Variants in LRIG2 observed in about 807,000 individuals in gnomAD.
LRIG2 encodes the protein leucine rich repeats and immunoglobulin like domains 2.
In LRIG2, 93 loss-of-function variants were observed where a neutral mutation model predicts 107.8. The ratio of observed to expected loss-of-function variants is 0.86; its 90% CI spans 0.73 to 1.03. LRIG2 has a LOEUF of 1.03. Among genes scored for constraint, LRIG2 ranks in the 50% least tolerant of loss-of-function variants. The pLI is 0.00. For missense variants in LRIG2, 1,226 were observed against 1,296.0 expected (o/e 0.95, Z 0.83); for synonymous variants, 471 against 470.6 (o/e 1.00, Z -0.01).
At chr1:113,122,075 C>CT (rs758568453) in intron 17 of LRIG2, among the ~76,000 whole-genome samples, 59,231 of 87,380 alleles carry the variant, frequency 0.68, 21,367 homozygotes, top group South Asian at 0.86. Flanking sequence ...TTAGGCTCAC[C>CT]TTTTTTTTTT....
Position 113,118,269 on chromosome 1 carries a change from T to C in LRIG2, c.2681-964T>C, listed in dbSNP as rs190334370. Among the ~76,000 whole-genome samples, 13 of 152,280 alleles carry C rather than the reference T, an allele frequency of 8.5e-5. No individual in the cohort carries two copies. In the East Asian group the frequency reaches 2.5e-3, roughly 29 times the overall value. On this transcript the variant is annotated intron_variant, in intron 16 of 17. Coordinates refer to ENST00000361127, the MANE Select transcript of LRIG2 (RefSeq NM_014813.3). The stretch of plus-strand genomic sequence containing the variant: ...TCACTCTTTATTTCTCACTCTCTCT[T>C]CTCTCCTTCATCATTCAGTTTTCAA...
intron 1 of LRIG2, among the ~76,000 whole-genome samples, chr1:113,079,817 C>T (rs1653175879): frequency 6.8e-6 from 1 of 147,710 alleles, no homozygotes; most frequent in African/African-American, 2.5e-5. Context: ...TCTCGGCTCA[C>T]TGCCACCCGA....
At position 113,110,460 on chromosome 1, in the gene LRIG2, C is replaced by A; in HGVS notation, c.1696C>A (p.His566Asn). 1 of 1,613,578 alleles carries A rather than the reference C, an allele frequency of 6.2e-7. No individual in the cohort carries two copies. The highest frequency in any genetic ancestry group is 2.2e-5 in the East Asian group (1 of 44,882). ...GEALEYTSILHLFNVNFTDEG... is the reference protein window; with the variant it reads ...GEALEYTSILNLFNVNFTDEG... ...AGCTCTGGAATATACTAGTATCTTA[C>A]ATCTTTTCAATGTGAATTTCACAGA... Residue 566 changes from histidine to asparagine, a missense_variant, in exon 13 of 18, where the codon CAT (histidine) becomes AAT (asparagine). Coordinates refer to ENST00000361127, the MANE Select transcript of LRIG2 (RefSeq NM_014813.3).
intron 1 of LRIG2, 75 bp downstream of exon 1, chr1:113,073,720 A>T: frequency 7.3e-7 from 1 of 1,371,268 alleles, no homozygotes; most frequent in South Asian, 1.2e-5. Context: ...CAGGAGGGAG[A>T]CAGGCCTGGT....
At chr1:113,111,066 G>C (rs1207990971) in intron 13 of LRIG2, among the ~76,000 whole-genome samples, 1 of 151,330 alleles carries the variant, frequency 6.6e-6, no homozygotes, top group African/African-American at 2.4e-5. Flanking sequence ...ATGGAGTCTC[G>C]CTCTGTCGCC....
rs567902403 is a variant in LRIG2 at position 113,130,501 on chromosome 1, G to C, written c.*6400G>C. ...ATTATATACTTGCTAATAAATTTTT[G>C]TGTAGGCTCTTTAGTAAATTTATCT... On this transcript the variant is annotated 3_prime_UTR_variant, in exon 18 of 18. Coordinates refer to ENST00000361127, the MANE Select transcript of LRIG2 (RefSeq NM_014813.3). The C allele has an allele frequency of 6.6e-6, 1 of 152,152 alleles. No individual in the cohort carries two copies. Among genetic ancestry groups the C allele is most frequent in the Admixed American group, 6.6e-5 (1 of 15,258 alleles). 9.4% of individuals were successfully genotyped at this position (152,152 alleles called of 1,614,324 possible).
chr1:113,100,104 TATAAAAAAG>T, intron 9 of LRIG2, 98 bp from the exon 10 acceptor site: 1 of 568,842 alleles, frequency 1.8e-6, no homozygotes, highest in East Asian at 2.8e-5. Context: ...CTGTTAAGTA[TATAAAAAAG>T]TACGCTACGC....
rs1487095240 is a variant in LRIG2 at position 113,129,762 on chromosome 1, C to T, written c.*5661C>T. 1 of 152,184 alleles carries T rather than the reference C, an allele frequency of 6.6e-6. No individual in the cohort carries two copies. Among genetic ancestry groups the T allele is most frequent in the Non-Finnish European group, 1.5e-5 (1 of 68,060 alleles). The allele number at this position is 152,184 out of a possible 1,614,324, so 9.4% of individuals were successfully genotyped here. On this transcript the variant is annotated 3_prime_UTR_variant, in exon 18 of 18. Transcript: ENST00000361127. Reference sequence around the variant, plus strand: ...CTTTCAGGAGGAATACATACATTCTCTTGATTTGTTTGTCCCCTTTCAGGC... The same window carrying T: ...CTTTCAGGAGGAATACATACATTCTTTTGATTTGTTTGTCCCCTTTCAGGC...
At chr1:113,086,339 C>T (rs1486889319) in intron 1 of LRIG2, among the ~76,000 whole-genome samples, 1 of 152,066 alleles carries the variant, frequency 6.6e-6, no homozygotes, top group East Asian at 1.9e-4. Flanking sequence ...ATGCTAGGTA[C>T]ACTCTTAACA....
intron 4 of LRIG2, 127 bp downstream of exon 4, chr1:113,093,691 T>C: frequency 2.1e-6 from 1 of 471,250 alleles, no homozygotes; most frequent in South Asian, 2.0e-5. Context: ...AGTTAGTGGG[T>C]GCAGCGCACC....
intron 8 of LRIG2, among the ~76,000 whole-genome samples, chr1:113,097,227 A>T (rs1216807): frequency 0.87 from 131,000 of 151,400 alleles, 59,197 homozygotes; most frequent in Non-Finnish European, 0.98. Flanking sequence ...TTAAATGAAG[A>T]GGTATTTTAA....
At position 113,114,718 on chromosome 1, in the gene LRIG2, C is replaced by T. The variant is rs746991008; in HGVS notation, c.2372C>T (p.Ser791Phe). ...GTCATTTCATCCCCCAATTGTGACT[C>T]TTCCCAGAGTAGCATTGGGCATGAA... ...LNVISSPNCD[S>F]SQSSIGHEDD... The change falls in exon 15 of 18, where the codon TCT (serine) becomes TTT (phenylalanine). Residue 791 changes from serine (S) to phenylalanine (F), a missense_variant. This residue lies in a region of LRIG2 where 642 missense variants were observed against 712.2 expected (regional missense o/e 0.90). Coordinates refer to ENST00000361127, the MANE Select transcript of LRIG2 (RefSeq NM_014813.3). 6 of 1,614,190 alleles carry T rather than the reference C, an allele frequency of 3.7e-6. No individual in the cohort carries two copies. The highest frequency in any genetic ancestry group is 1.1e-5 in the South Asian group (1 of 91,082).
At chr1:113,105,550 G>A (rs1022936067) in intron 11 of LRIG2, among the ~76,000 whole-genome samples, 8 of 152,156 alleles carry the variant, frequency 5.3e-5, no homozygotes, top group African/African-American at 1.7e-4. Flanking sequence ...TTTAATAAAT[G>A]TTGACCTAAA....
chr1:113,098,784 CTG>C lies in LRIG2; in HGVS notation c.1172+1_1172+2del. 1.9e-6 allele frequency: 3 copies of C among 1,579,126 alleles called. No individual in the cohort carries two copies. The highest frequency in any genetic ancestry group is 2.6e-6 in the Non-Finnish European group (3 of 1,148,386). ...TGCTGGACTCACAAGTCTCACTAAA[CTG>C]TATGTATTATAATATTTATGTATGT... On this transcript the variant is annotated splice_donor_variant and coding_sequence_variant, in exon 9 of 18. Coordinates refer to ENST00000361127, the MANE Select transcript of LRIG2 (RefSeq NM_014813.3). LOFTEE classifies it high-confidence loss of function.
At chr1:113,118,040 C>T (rs1040061040) in intron 16 of LRIG2, among the ~76,000 whole-genome samples, 1 of 152,174 alleles carries the variant, frequency 6.6e-6, no homozygotes, top group African/African-American at 2.4e-5. Flanking sequence ...CTGCCTCAGC[C>T]TCCTGAGTAG....
intron 1 of LRIG2, among the ~76,000 whole-genome samples, chr1:113,082,180 G>T (rs1653319623): frequency 6.6e-6 from 1 of 152,138 alleles, no homozygotes; most frequent in Non-Finnish European, 1.5e-5. Context: ...AACATATTTT[G>T]TCTTCTTTAT....
At chr1:113,078,417 T>C (rs1245916801) in intron 1 of LRIG2, among the ~76,000 whole-genome samples, 12 of 152,036 alleles carry the variant, frequency 7.9e-5, no homozygotes, top group East Asian at 1.9e-4. Context: ...TTTTGTATTT[T>C]TAGTAGAGAC....
rs200575974 is a variant in LRIG2 at position 113,093,000 on chromosome 1, GA to G, written c.306-196del. 1.6e-3 allele frequency among the ~76,000 whole-genome samples: 226 copies of G among 141,992 alleles called. 3 individuals are homozygous for G. The highest frequency in any genetic ancestry group is 5.3e-3 in the African/African-American group (207 of 38,768). The allele number at this position is 141,992 out of a possible 152,430, so 93.2% of individuals were successfully genotyped here. The stretch of plus-strand genomic sequence containing the variant: ...ATGAAACTCTGTTTCAAAAAAAAAA[GA>G]AAAAAAAAAGAAAGAAAATACATTT... On this transcript the variant is annotated intron_variant, in intron 2 of 17. Transcript: ENST00000361127.
chr1:113,124,778 CAAAATTATATGT>C lies in LRIG2; in HGVS notation c.*680_*691del, dbSNP rs1442626290. On this transcript the variant is annotated 3_prime_UTR_variant, in exon 18 of 18. Coordinates refer to ENST00000361127, the MANE Select transcript of LRIG2 (RefSeq NM_014813.3). ...TGCAATGTAAATATTTTTGATATGCCAAAATTATATGTAATATCCAGTTATAATATTGACAAG... is the reference window on the plus strand; with the variant it reads ...TGCAATGTAAATATTTTTGATATGCCAATATCCAGTTATAATATTGACAAG... The C allele has an allele frequency of 1.3e-5, 2 of 151,792 alleles. No homozygotes were observed. Among genetic ancestry groups the C allele is most frequent in the Admixed American group, 6.6e-5 (1 of 15,224 alleles). 9.4% of individuals were successfully genotyped at this position (151,792 alleles called of 1,614,324 possible). A position where few individuals can be genotyped will look rare whatever the true frequency, so the allele number is the denominator to read the frequency against.
Sources: allele counts gnomAD v4.1 joint callset (sites outside exome capture counted in the v4.1 genomes callset), GRCh38; gene constraint gnomAD v4.1.1; regional missense constraint gnomAD v4.1.1; transcripts MANE v1.5; gene names NCBI Gene and HGNC (gene_info 2026-07-23, HGNC 2026-07-21).